FAAH2: variants seen among roughly 807,000 people sequenced by gnomAD.
FAAH2 encodes the protein fatty-acid amide hydrolase 2.
Under a neutral mutation model 36.9 loss-of-function variants are expected in FAAH2, and 60 were observed. The ratio of observed to expected loss-of-function variants is 1.63; its 90% CI spans 1.32 to 2.02. The LOEUF is 2.02. FAAH2 is among the 30% of genes most tolerant of loss of function. FAAH2 has a pLI of 0.00. For synonymous variants in FAAH2, 214 were observed against 143.8 expected (o/e 1.49, Z -3.49); for missense variants, 689 against 397.5 (o/e 1.73, Z -6.23).
chrX:57,431,904 C>A lies in FAAH2; in HGVS notation c.997-14C>A. 8.8e-7 allele frequency: 1 copy of A among 1,131,475 alleles called. No individual in the cohort carries two copies. Among genetic ancestry groups the A allele is most frequent in the Non-Finnish European group, 1.2e-6 (1 of 847,750 alleles). 93.2% of individuals were successfully genotyped at this position (1,131,475 alleles called of 1,213,427 possible). A position where few individuals can be genotyped will look rare whatever the true frequency, so the allele number is the denominator to read the frequency against. ...TCATCATGTTTGTCTGTTTTTATAT[C>A]TTTCTTTTATAAGGTTGTGGTTCAC... On this transcript the variant is annotated splice_polypyrimidine_tract_variant and intron_variant, in intron 7 of 10. Transcript: ENST00000374900.
At chrX:57,317,202 A>G (rs2052866802) in intron 3 of FAAH2, among the ~76,000 whole-genome samples, 1 of 112,446 alleles carries the variant, frequency 8.9e-6, no homozygotes, top group Non-Finnish European at 1.9e-5. Flanking sequence ...AAGTGCCCCA[A>G]TTAAAAGACA....
chrX:57,351,181 A>T (rs1303490401), intron 5 of FAAH2, among the ~76,000 whole-genome samples: 1 of 111,724 alleles, frequency 9.0e-6, no homozygotes, highest in African/African-American at 3.2e-5. Flanking sequence ...AATTAATACC[A>T]ACAGGAACTT....
At chrX:57,245,581 G>A in the FAAH2 span, among the ~76,000 whole-genome samples, 8 of 111,755 alleles carry the variant, frequency 7.2e-5, no homozygotes, top group Non-Finnish European at 1.5e-4. Flanking sequence ...AAACTCACTC[G>A]AAACCCCACA....
At chrX:57,261,794 T>A in the FAAH2 span, among the ~76,000 whole-genome samples, 1 of 110,217 alleles carries the variant, frequency 9.1e-6, no homozygotes, top group South Asian at 3.8e-4. Flanking sequence ...TTAAAGGTAA[T>A]GAGTTAGGAA....
intron 7 of FAAH2, among the ~76,000 whole-genome samples, chrX:57,431,513 G>C (rs1226642387): frequency 9.0e-6 from 1 of 111,304 alleles, no homozygotes; most frequent in Non-Finnish European, 1.9e-5. Flanking sequence ...CCCTCAGACT[G>C]TCCCCAGAGA....
the FAAH2 span, among the ~76,000 whole-genome samples, chrX:57,201,370 A>G: frequency 9.1e-6 from 1 of 110,146 alleles, no homozygotes; most frequent in African/African-American, 3.3e-5. Context: ...GTGAGCCCAG[A>G]TTGCACTACT....
intron 7 of FAAH2, among the ~76,000 whole-genome samples, chrX:57,400,966 C>CA (rs1026353443): frequency 1.7e-4 from 19 of 110,256 alleles, no homozygotes; most frequent in East Asian, 5.7e-4. Flanking sequence ...ACCAAAAATA[C>CA]AAAAAAATTA....
At chrX:57,392,719 T>C (rs1462126258) in intron 7 of FAAH2, 3 of 612,023 alleles carry the variant, frequency 4.9e-6, no homozygotes, top group East Asian at 3.3e-5. Context: ...GGGGAGTCCA[T>C]TGTGCTCATC....
chrX:57,256,972 G>A, the FAAH2 span, among the ~76,000 whole-genome samples: 8 of 112,179 alleles, frequency 7.1e-5, no homozygotes, highest in African/African-American at 2.6e-4. Flanking sequence ...TTAGAGAAAT[G>A]CAAATCAAAA....
chrX:57,374,167 C>G (rs2054614779), intron 5 of FAAH2, among the ~76,000 whole-genome samples: 1 of 111,482 alleles, frequency 9.0e-6, no homozygotes, highest in African/African-American at 3.3e-5. Flanking sequence ...CAGGTTTATG[C>G]TTTTTGCTTA....
At chrX:57,155,967 G>T in the FAAH2 span, among the ~76,000 whole-genome samples, 1 of 112,235 alleles carries the variant, frequency 8.9e-6, no homozygotes, top group Non-Finnish European at 1.9e-5. Flanking sequence ...AAGGGTATGT[G>T]TTCAGGGGTA....
chrX:57,405,160 A>G (rs765396342), intron 7 of FAAH2, among the ~76,000 whole-genome samples: 2 of 111,616 alleles, frequency 1.8e-5, no homozygotes, highest in African/African-American at 3.3e-5. Context: ...GTAGTCCAAT[A>G]TTACTCACCA....
chrX:57,272,381 A>T, the FAAH2 span, among the ~76,000 whole-genome samples: 1 of 111,484 alleles, frequency 9.0e-6, no homozygotes, highest in Admixed American at 9.6e-5. Context: ...ACAGGACAAC[A>T]TTCAAATTCA....
chrX:57,337,492 A>G (rs188779650), intron 4 of FAAH2, among the ~76,000 whole-genome samples: 156 of 112,146 alleles, frequency 1.4e-3, no homozygotes, highest in Non-Finnish European at 2.4e-3. Context: ...ATGAACATCA[A>G]TGCAAAAACC....
the FAAH2 span, among the ~76,000 whole-genome samples, chrX:57,189,762 T>C: frequency 9.0e-6 from 1 of 111,591 alleles, no homozygotes; most frequent in Non-Finnish European, 1.9e-5. Context: ...CTCTGGAAGC[T>C]TCATCCCAGA....
At chrX:57,406,613 T>C (rs2055573269) in intron 7 of FAAH2, among the ~76,000 whole-genome samples, 1 of 112,598 alleles carries the variant, frequency 8.9e-6, no homozygotes, top group South Asian at 3.6e-4. Flanking sequence ...TTCAGATATA[T>C]GCTGTCTTTT....
chrX:57,203,630 AAAC>A, the FAAH2 span, among the ~76,000 whole-genome samples: 1 of 111,983 alleles, frequency 8.9e-6, no homozygotes, highest in Admixed American at 9.4e-5. Flanking sequence ...ACACAAAGAC[AAAC>A]AACACAGATT....
chrX:57,412,600 C>T (rs1450894763), intron 7 of FAAH2, among the ~76,000 whole-genome samples: 1 of 112,204 alleles, frequency 8.9e-6, no homozygotes, highest in Non-Finnish European at 1.9e-5. Context: ...ATATGTGCCA[C>T]ATTTTCTTTA....
the FAAH2 span, among the ~76,000 whole-genome samples, chrX:57,151,469 C>CT: frequency 9.0e-6 from 1 of 111,309 alleles, no homozygotes; most frequent in Non-Finnish European, 1.9e-5. Context: ...TCTTTTTATT[C>CT]TTTTTTCTCT....
Sources: gnomAD v4.1 joint callset for allele counts (sites outside exome capture counted in the v4.1 genomes callset) on GRCh38, gnomAD v4.1.1 for gene constraint, MANE v1.5 for transcripts, NCBI Gene and HGNC (gene_info 2026-07-23, HGNC 2026-07-21) for gene names.